Variants in GPM6B observed in about 807,000 individuals in gnomAD.
GPM6B encodes the protein glycoprotein M6B.
In GPM6B, 4 loss-of-function variants were observed where a neutral mutation model predicts 27.2. That is an observed-to-expected ratio of 0.15 (90% CI 0.07 to 0.34). The LOEUF (loss-of-function observed/expected upper bound fraction) is 0.34, where lower values mean the gene tolerates loss of function less well. Among genes scored for constraint, GPM6B ranks in the 10% least tolerant of loss-of-function variants. The pLI, the probability that GPM6B is intolerant of heterozygous loss-of-function variation, is 1.00. For synonymous variants in GPM6B, 124 were observed against 103.1 expected (o/e 1.20, Z -1.23); for missense variants, 183 against 261.9 (o/e 0.70, Z 2.08).
intron 7 of GPM6B, chrX:13,773,873 A>G: frequency 2.1e-6 from 1 of 479,433 alleles, no homozygotes; most frequent in Non-Finnish European, 2.6e-6. Flanking sequence ...ACCAAAACAC[A>G]CAATTTAAGG....
chrX:13,774,489 G>T, intron 7 of GPM6B: 1 of 1,205,153 alleles, frequency 8.3e-7, no homozygotes, highest in Non-Finnish European at 1.1e-6. Context: ...TTAGTCTGGA[G>T]TGTCAGTGAT....
chrX:13,845,531 T>C (rs942619128), intron 1 of GPM6B, among the ~76,000 whole-genome samples: 7 of 112,200 alleles, frequency 6.2e-5, no homozygotes, highest in Non-Finnish European at 1.1e-4. Context: ...ATTCTCCTTC[T>C]TCTAATATTT....
chrX:13,797,002 C>G (rs2048828500), intron 2 of GPM6B, among the ~76,000 whole-genome samples: 1 of 112,287 alleles, frequency 8.9e-6, no homozygotes, highest in African/African-American at 3.2e-5. Flanking sequence ...AGCTCTAAGT[C>G]CAGATGACAC....
intron 1 of GPM6B, among the ~76,000 whole-genome samples, chrX:13,877,879 TC>T (rs1182724886): frequency 2.1e-4 from 22 of 106,783 alleles, no homozygotes; most frequent in Non-Finnish European, 3.1e-4. Flanking sequence ...GCCTTTTTTT[TC>T]CCCTAGTTTA....
Position 13,865,559 on chromosome X carries a change from A to AAAAGAAAG in GPM6B, c.-198+72760_-198+72767dup, listed in dbSNP as rs1555923732. 3.5e-3 allele frequency among the ~76,000 whole-genome samples: 184 copies of AAAAGAAAG among 52,890 alleles called. 8 individuals are homozygous for AAAAGAAAG. Among genetic ancestry groups the AAAAGAAAG allele is most frequent in the East Asian group, 0.028 (28 of 1,016 alleles). The allele number at this position is 52,890 out of a possible 115,157, so 45.9% of individuals were successfully genotyped here. On this transcript the variant is annotated intron_variant, in intron 1 of 6. Transcript: ENST00000398361. Reference sequence around the variant, plus strand: ...CATCTCTTCAAAAAAAAAAAAAAAAAAAAGAAAGAAAGAAAGAAAAGAAAA... The same window carrying AAAAGAAAG: ...CATCTCTTCAAAAAAAAAAAAAAAAAAAAGAAAGAAAGAAAGAAAGAAAGAAAAGAAAA...
rs749721241 is a variant in GPM6B, at chrX:13,774,423, TTACTAAAGC to T, written c.838-1402_838-1394del. The stretch of plus-strand genomic sequence containing the variant: ...TATTAATCTACCATGCAAGGTGAGT[TTACTAAAGC>T]TATTTACAAATTACTGTAACAAAAT... On this transcript the variant is annotated intron_variant, in intron 7 of 7. Coordinates refer to ENST00000316715, the MANE Select transcript of GPM6B (RefSeq NM_001001995.3). The T allele has an allele frequency of 2.6e-5, 29 of 1,127,705 alleles. No individual in the cohort carries two copies. In the East Asian group the frequency reaches 8.0e-4, roughly 31 times the overall value. 92.9% of individuals were successfully genotyped at this position (1,127,705 alleles called of 1,213,427 possible).
At chrX:13,881,051 G>C (rs972339445) in intron 1 of GPM6B, among the ~76,000 whole-genome samples, 1 of 111,730 alleles carries the variant, frequency 9.0e-6, no homozygotes, top group African/African-American at 3.3e-5. Context: ...TCACACTCTG[G>C]AAATACCTTG....
At chrX:13,861,692 G>C (rs1002940988) in intron 1 of GPM6B, among the ~76,000 whole-genome samples, 1 of 111,719 alleles carries the variant, frequency 9.0e-6, no homozygotes, top group Non-Finnish European at 1.9e-5. Context: ...TCTCTTTTAG[G>C]CTCTTAGTCT....
chrX:13,935,673 C>G (rs757071499), intron 1 of GPM6B, among the ~76,000 whole-genome samples: 105 of 112,445 alleles, frequency 9.3e-4, no homozygotes, highest in Non-Finnish European at 1.8e-3. Context: ...TGCCTTCAGG[C>G]CTATGAACAA....
intron 1 of GPM6B, chrX:13,938,246 G>A (rs1419433343): frequency 7.8e-6 from 2 of 257,765 alleles, no homozygotes; most frequent in African/African-American, 5.7e-5. Context: ...AGGCTCCCGC[G>A]AGCCGCACGT....
intron 1 of GPM6B, among the ~76,000 whole-genome samples, chrX:13,926,758 G>A (rs973084259): frequency 4.5e-5 from 5 of 111,935 alleles, no homozygotes; most frequent in African/African-American, 1.6e-4. Flanking sequence ...GAATCCCAAT[G>A]GAATAAAGGC....
intron 1 of GPM6B, among the ~76,000 whole-genome samples, chrX:13,932,791 G>C (rs1386665066): frequency 3.6e-5 from 4 of 111,212 alleles, no homozygotes; most frequent in African/African-American, 1.3e-4. Flanking sequence ...AATCTTTCCA[G>C]AACTTCAAAA....
intron 1 of GPM6B, among the ~76,000 whole-genome samples, chrX:13,865,193 A>G (rs2049895415): frequency 9.0e-6 from 1 of 110,807 alleles, no homozygotes; most frequent in South Asian, 3.8e-4. Flanking sequence ...CTTGGTCATG[A>G]ACAGGCTCCA....
intron 1 of GPM6B, among the ~76,000 whole-genome samples, chrX:13,927,682 AT>A (rs761767846): frequency 2.6e-4 from 29 of 112,792 alleles, no homozygotes; most frequent in African/African-American, 9.0e-4. Flanking sequence ...AGGCCTCAAC[AT>A]CTATTACATC....
At chrX:13,899,094 T>C (rs1012743516) in intron 1 of GPM6B, among the ~76,000 whole-genome samples, 49 of 110,934 alleles carry the variant, frequency 4.4e-4, no homozygotes, top group African/African-American at 1.6e-3. Context: ...CATAGACAGA[T>C]ATGCAGTGTA....
chrX:13,864,831 G>A (rs2049891381), intron 1 of GPM6B, among the ~76,000 whole-genome samples: 1 of 111,572 alleles, frequency 9.0e-6, no homozygotes, highest in South Asian at 3.8e-4. Context: ...TTATCCATGA[G>A]GTATACATTC....
In GPM6B at chrX:13,862,805, G is replaced by A. The variant is rs758837029; in HGVS notation, c.-198+75522C>T. ...GGGCTCAAGTGACCCTCCCACCCCAGCCTCCCCAGTAGCTGGGACTACAGG... is the reference window on the plus strand; with the variant it reads ...GGGCTCAAGTGACCCTCCCACCCCAACCTCCCCAGTAGCTGGGACTACAGG... On this transcript the variant is annotated intron_variant, in intron 1 of 6. Transcript: ENST00000398361. 9.1e-5 allele frequency among the ~76,000 whole-genome samples: 10 copies of A among 110,153 alleles called. No homozygotes were observed. In the East Asian group the frequency reaches 2.8e-3, roughly 31 times the overall value.
intron 1 of GPM6B, among the ~76,000 whole-genome samples, chrX:13,861,027 C>T (rs1249064007): frequency 7.6e-4 from 66 of 86,358 alleles, no homozygotes; most frequent in Non-Finnish European, 1.1e-3. Flanking sequence ...CACACACACA[C>T]ACACACACAC....
chrX:13,878,464 G>C (rs2050062488), intron 1 of GPM6B, among the ~76,000 whole-genome samples: 1 of 111,371 alleles, frequency 9.0e-6, no homozygotes, highest in South Asian at 3.8e-4. Context: ...AATAGTGTTA[G>C]GCCACCAGCA....
Sources: allele counts gnomAD v4.1 joint callset (sites outside exome capture counted in the v4.1 genomes callset), GRCh38; gene constraint gnomAD v4.1.1; transcripts MANE v1.5; gene names NCBI Gene and HGNC (gene_info 2026-07-23, HGNC 2026-07-21).